Variants in EIF2AK2 observed in about 807,000 individuals in gnomAD.
The protein encoded by EIF2AK2 is eukaryotic translation initiation factor 2 alpha kinase 2.
A neutral mutation model predicts 70.5 loss-of-function variants in EIF2AK2; 40 were observed. The ratio of observed to expected loss-of-function variants is 0.57; its 90% CI spans 0.44 to 0.74. EIF2AK2 has a LOEUF of 0.74. Among genes scored for constraint, EIF2AK2 ranks in the 30% least tolerant of loss-of-function variants. EIF2AK2 has a pLI of 0.00. For synonymous variants in EIF2AK2, 198 were observed against 220.9 expected (o/e 0.90, Z 0.92); for missense variants, 555 against 644.3 (o/e 0.86, Z 1.50).
At chr2:37,140,070 G>C in intron 5 of EIF2AK2, among the ~76,000 whole-genome samples, 1 of 151,886 alleles carries the variant, frequency 6.6e-6, no homozygotes, top group Middle Eastern at 3.4e-3. Flanking sequence ...AAGGTCAAAA[G>C]ATACGGAGGT....
chr2:37,114,902 T>C, intron 13 of EIF2AK2, 43 bp from the exon 14 acceptor site: 1 of 1,332,914 alleles, frequency 7.5e-7, no homozygotes, highest in Non-Finnish European at 1.0e-6. Flanking sequence ...CAACTTAACA[T>C]ACTATTACCA....
intron 6 of EIF2AK2, among the ~76,000 whole-genome samples, 181 bp from the exon 7 acceptor site, chr2:37,138,766 T>A (rs1675216503): frequency 6.6e-6 from 1 of 152,178 alleles, no homozygotes; most frequent in Non-Finnish European, 1.5e-5. Flanking sequence ...ATTTTTTATT[T>A]TACTTTTCTG....
rs186284590 is a variant in EIF2AK2, at chr2:37,101,086, T to C, written c.*6187A>G. The stretch of plus-strand genomic sequence containing the variant: ...AACTCCTCTTGGTTCTGTCCTCTTA[T>C]TGTTCAGGCCCTCTTAGTCTTTCCA... On this transcript the variant is annotated 3_prime_UTR_variant, in exon 17 of 17. Coordinates refer to ENST00000233057, the MANE Select transcript of EIF2AK2 (RefSeq NM_001135651.3). The C allele has an allele frequency of 7.9e-5, 12 of 152,402 alleles. No homozygotes were observed. The highest frequency in any genetic ancestry group is 5.2e-4 in the Admixed American group (8 of 15,306). The allele number at this position is 152,402 out of a possible 1,614,324, so 9.4% of individuals were successfully genotyped here. A position where few individuals can be genotyped will look rare whatever the true frequency, so the allele number is the denominator to read the frequency against.
At chr2:37,118,145 C>CAA (rs759888634) in intron 13 of EIF2AK2, among the ~76,000 whole-genome samples, 3 of 141,594 alleles carry the variant, frequency 2.1e-5, no homozygotes, top group East Asian at 2.0e-4. Context: ...CCTGTCTCTA[C>CAA]AAAAAAAAAA....
chr2:37,126,235 G>C, intron 11 of EIF2AK2, 54 bp downstream of exon 11: 1 of 1,520,240 alleles, frequency 6.6e-7, no homozygotes, highest in African/African-American at 1.4e-5. Context: ...AAAAAGAATA[G>C]TGCAGATTCA....
intron 2 of EIF2AK2, 75 bp downstream of exon 2, chr2:37,148,782 C>A: frequency 1.2e-6 from 1 of 822,152 alleles, no homozygotes; most frequent in Admixed American, 1.7e-5. Context: ...AAAAAACTAG[C>A]CCCCCAGAAT....
chr2:37,142,428 C>T (rs143904718), intron 4 of EIF2AK2, among the ~76,000 whole-genome samples: 6 of 152,180 alleles, frequency 3.9e-5, no homozygotes, highest in South Asian at 4.2e-4. Context: ...CCACCACACC[C>T]GGCTGAGTTT....
In EIF2AK2 at chr2:37,135,563, G is replaced by T; in HGVS notation, c.723-17C>A. 1 of 1,594,684 alleles carries T rather than the reference G, an allele frequency of 6.3e-7. No homozygotes were observed. The highest frequency in any genetic ancestry group is 1.1e-5 in the South Asian group (1 of 88,396). ...GCCAAAGATCTAAAAATTAAGAGTTGAATGTAAAACTCAAATAAAATTGAA... is the reference window on the plus strand; with the variant it reads ...GCCAAAGATCTAAAAATTAAGAGTTTAATGTAAAACTCAAATAAAATTGAA... On this transcript the variant is annotated splice_polypyrimidine_tract_variant and intron_variant, in intron 9 of 16. Transcript: ENST00000233057.
rs1356364314 is a variant in EIF2AK2 at position 37,138,265 on chromosome 2, G to A, written c.687+5C>T. 8.7e-6 allele frequency: 14 copies of A among 1,605,890 alleles called. No homozygotes were observed. The highest frequency in any genetic ancestry group is 2.2e-5 in the East Asian group (1 of 44,792). ...AAGTAGGAAGCTTCGAGACTAATACGATACCATAAGCAACGAAGAACTGTT... is the reference window on the plus strand; with the variant it reads ...AAGTAGGAAGCTTCGAGACTAATACAATACCATAAGCAACGAAGAACTGTT... On this transcript the variant is annotated splice_donor_5th_base_variant and intron_variant, in intron 8 of 16. Transcript: ENST00000233057.
At chr2:37,109,122 G>A (rs1251638987) in intron 15 of EIF2AK2, 72 bp downstream of exon 15, 6 of 1,378,754 alleles carry the variant, frequency 4.4e-6, no homozygotes, top group South Asian at 2.4e-5. Flanking sequence ...GGCAAGAACT[G>A]TCTGCAGCAG....
chr2:37,126,568 C>T (rs1004528687), intron 10 of EIF2AK2, among the ~76,000 whole-genome samples, 157 bp from the exon 11 acceptor site: 1 of 151,884 alleles, frequency 6.6e-6, no homozygotes, highest in African/African-American at 2.4e-5. Flanking sequence ...GGCAGAAACT[C>T]TTGACTCACA....
At chr2:37,146,104 G>A (rs1675528589) in intron 4 of EIF2AK2, among the ~76,000 whole-genome samples, 1 of 151,966 alleles carries the variant, frequency 6.6e-6, no homozygotes, top group African/African-American at 2.4e-5. Flanking sequence ...GTTTAGATAT[G>A]TTTAGATACA....
chr2:37,120,942 C>A (rs866230627), intron 12 of EIF2AK2, among the ~76,000 whole-genome samples: 3 of 137,042 alleles, frequency 2.2e-5, no homozygotes, highest in Non-Finnish European at 4.7e-5. Flanking sequence ...CCCGCATGAG[C>A]GATAGAGTAA....
chr2:37,120,396 T>G (rs1055616572), intron 12 of EIF2AK2, among the ~76,000 whole-genome samples: 16 of 150,140 alleles, frequency 1.1e-4, no homozygotes, highest in African/African-American at 1.5e-4. Context: ...TCCCAGCTAC[T>G]CCGGGGAGGC....
intron 1 of EIF2AK2, among the ~76,000 whole-genome samples, chr2:37,156,326 A>G (rs1462941701): frequency 1.3e-5 from 2 of 152,140 alleles, no homozygotes; most frequent in Admixed American, 1.3e-4. Context: ...GCTACGGGGA[A>G]GGTCGGAGCA....
intron 4 of EIF2AK2, among the ~76,000 whole-genome samples, chr2:37,144,589 C>CTT (rs199752511): frequency 6.9e-6 from 1 of 144,464 alleles, no homozygotes; most frequent in Non-Finnish European, 1.5e-5. Flanking sequence ...TTTTTTCTTT[C>CTT]TTTTTTTTTT....
chr2:37,139,099 T>C (rs13001172), intron 6 of EIF2AK2, among the ~76,000 whole-genome samples: 138,289 of 151,710 alleles, frequency 0.91, 64,424 homozygotes, highest in East Asian at 1. Flanking sequence ...GGGTGGATCA[T>C]GAGGTCAGGA....
intron 10 of EIF2AK2, among the ~76,000 whole-genome samples, chr2:37,127,556 C>A (rs971092277): frequency 1.3e-5 from 2 of 152,116 alleles, no homozygotes; most frequent in Non-Finnish European, 2.9e-5. Context: ...ACTTTCACAT[C>A]ACCTTTTCCA....
At chr2:37,111,878 AATATATATAT>A (rs869140054) in intron 14 of EIF2AK2, among the ~76,000 whole-genome samples, 334 of 69,074 alleles carry the variant, frequency 4.8e-3, no homozygotes, top group South Asian at 0.011. Flanking sequence ...AAAAAAAAAA[AATATATATAT>A]ATATATATAT....
Sources: gnomAD v4.1 joint callset for allele counts (sites outside exome capture counted in the v4.1 genomes callset) on GRCh38, gnomAD v4.1.1 for gene constraint, MANE v1.5 for transcripts, NCBI Gene and HGNC (gene_info 2026-07-23, HGNC 2026-07-21) for gene names.